Variants in REDIC1 observed in about 807,000 individuals in gnomAD.
The protein encoded by REDIC1 is HEI10 Interacting Protein 1.
the REDIC1 span, among the ~76,000 whole-genome samples, chr12:39,831,538 T>C: frequency 6.6e-6 from 1 of 152,202 alleles, no homozygotes; most frequent in African/African-American, 2.4e-5. Flanking sequence ...ACTTTTTTGA[T>C]TCATGTAACT....
the REDIC1 span, among the ~76,000 whole-genome samples, chr12:39,709,490 A>G: frequency 6.6e-6 from 1 of 151,616 alleles, no homozygotes; most frequent in Non-Finnish European, 1.5e-5. Context: ...CACTCCCTAA[A>G]CAACAATTTC....
At chr12:39,691,091 A>T in the REDIC1 span, among the ~76,000 whole-genome samples, 1 of 152,168 alleles carries the variant, frequency 6.6e-6, no homozygotes, top group Admixed American at 6.5e-5. Flanking sequence ...GGTGGCTCCC[A>T]GTTTATTGTT....
the REDIC1 span, among the ~76,000 whole-genome samples, chr12:39,844,420 G>A: frequency 6.6e-6 from 1 of 151,936 alleles, no homozygotes; most frequent in Non-Finnish European, 1.5e-5. Flanking sequence ...CTTATACTAA[G>A]AGGCTCATAA....
the REDIC1 span, among the ~76,000 whole-genome samples, chr12:39,896,361 T>TATATATGTATAC: frequency 8.1e-4 from 113 of 139,990 alleles, 1 homozygote; most frequent in African/African-American, 2.9e-3. Context: ...TGTATATGTG[T>TATATATGTATAC]ATATATGTAT....
At chr12:39,896,258 ATATGTGTGTATATATGTATACATGTATG>A in the REDIC1 span, among the ~76,000 whole-genome samples, 214 of 88,762 alleles carry the variant, frequency 2.4e-3, no homozygotes, top group African/African-American at 8.5e-3. Context: ...ACATGTATGT[ATATGTGTGTATATATGTATACATGTATG>A]TATATGTGTG....
the REDIC1 span, among the ~76,000 whole-genome samples, chr12:39,812,396 CTCTT>C: frequency 8.7e-6 from 1 of 115,576 alleles, no homozygotes; most frequent in Non-Finnish European, 1.7e-5. Flanking sequence ...CTTTCTCTCT[CTCTT>C]TCTTCCTTCC....
the REDIC1 span, among the ~76,000 whole-genome samples, chr12:39,839,165 G>C: frequency 6.6e-6 from 1 of 151,984 alleles, no homozygotes; most frequent in Admixed American, 6.6e-5. Context: ...AGGTGACTTG[G>C]AATCTGGTTT....
the REDIC1 span, among the ~76,000 whole-genome samples, chr12:39,650,511 A>G: frequency 1.4e-4 from 22 of 152,196 alleles, no homozygotes; most frequent in Non-Finnish European, 2.5e-4. The surrounding 1 kb of genome is among the most constrained non-coding windows in gnomAD (Gnocchi z 4.3). Flanking sequence ...TGTATTATTT[A>G]ATTAAAATAG....
At chr12:39,870,540 G>A in the REDIC1 span, among the ~76,000 whole-genome samples, 1 of 152,130 alleles carries the variant, frequency 6.6e-6, no homozygotes, top group Non-Finnish European at 1.5e-5. Flanking sequence ...GTAGGCTTCT[G>A]CCTTTAGTCT....
chr12:39,729,516 C>G, the REDIC1 span, among the ~76,000 whole-genome samples: 1 of 152,166 alleles, frequency 6.6e-6, no homozygotes, highest in Admixed American at 6.6e-5. Context: ...GCACTGTGGT[C>G]TGAGTGACTG....
At chr12:39,747,857 C>T in the REDIC1 span, among the ~76,000 whole-genome samples, 1 of 152,256 alleles carries the variant, frequency 6.6e-6, no homozygotes, top group Non-Finnish European at 1.5e-5. Context: ...AAATCAAATC[C>T]TTTACAGACA....
At chr12:39,768,166 CA>C in the REDIC1 span, among the ~76,000 whole-genome samples, 2 of 152,224 alleles carry the variant, frequency 1.3e-5, no homozygotes, top group Middle Eastern at 3.4e-3. Flanking sequence ...CTGCTAGCCT[CA>C]AACTTTTCTT....
the REDIC1 span, among the ~76,000 whole-genome samples, chr12:39,839,338 C>T: frequency 1.3e-5 from 2 of 151,966 alleles, no homozygotes; most frequent in African/African-American, 4.8e-5. Context: ...CCCTGTTTAA[C>T]CATGTAAGTA....
chr12:39,890,201 T>A, the REDIC1 span, among the ~76,000 whole-genome samples: 1 of 152,298 alleles, frequency 6.6e-6, no homozygotes, highest in East Asian at 1.9e-4. Flanking sequence ...AATATTATTC[T>A]CCTTACAGAG....
At chr12:39,861,928 T>C in the REDIC1 span, among the ~76,000 whole-genome samples, 18 of 152,334 alleles carry the variant, frequency 1.2e-4, no homozygotes, top group Middle Eastern at 3.4e-3. Flanking sequence ...GTCTGTTACA[T>C]AGGTAAACAT....
the REDIC1 span, chr12:39,626,254 T>A: frequency 6.6e-7 from 1 of 1,519,142 alleles, no homozygotes; most frequent in African/African-American, 1.4e-5. Flanking sequence ...CCCTGGGGGA[T>A]CCTGCTGAAG....
the REDIC1 span, among the ~76,000 whole-genome samples, chr12:39,889,865 G>A: frequency 6.6e-6 from 1 of 151,906 alleles, no homozygotes; most frequent in African/African-American, 2.4e-5. Flanking sequence ...CTCATTTGTT[G>A]TTTTTATTAT....
the REDIC1 span, among the ~76,000 whole-genome samples, chr12:39,804,156 A>C: frequency 6.6e-6 from 1 of 152,188 alleles, no homozygotes; most frequent in Non-Finnish European, 1.5e-5. Flanking sequence ...TATTTAGGAG[A>C]CAAACCCACA....
chr12:39,896,028 A>C, the REDIC1 span, among the ~76,000 whole-genome samples: 1 of 133,976 alleles, frequency 7.5e-6, no homozygotes, highest in African/African-American at 2.8e-5. Flanking sequence ...GTATACATAC[A>C]TGCATATGTT....
Sources: gnomAD v4.1 joint callset for allele counts (sites outside exome capture counted in the v4.1 genomes callset) on GRCh38, gnomAD v4.1.1 for gene constraint, Gnocchi (gnomAD v3.1) non-coding constraint, MANE v1.5 for transcripts, NCBI Gene and HGNC (gene_info 2026-07-23, HGNC 2026-07-21) for gene names.